PIK3CD: variants seen among roughly 807,000 people sequenced by gnomAD.
PIK3CD encodes phosphatidylinositol 4,5-bisphosphate 3-kinase catalytic subunit delta isoform.
In PIK3CD, 20 loss-of-function variants were observed where a neutral mutation model predicts 122.9. The observed-to-expected ratio is 0.16, with a 90% confidence interval of 0.11 to 0.24. The LOEUF (loss-of-function observed/expected upper bound fraction) is 0.24. Among genes scored for constraint, PIK3CD ranks in the 10% least tolerant of loss-of-function variants. The pLI is 1.00. For synonymous variants in PIK3CD, 596 were observed against 593.4 expected, an observed-to-expected ratio of 1.00 and a Z score of -0.06; for missense variants, 787 against 1,406.3, an observed-to-expected ratio of 0.56 and a Z score of 7.04.
In PIK3CD at chr1:9,723,609, G is replaced by A. The variant is rs1156538691; in HGVS notation, c.2594+317G>A. ...CTGCTGGTTCCACATAATCACTCATGCAGCTGTTCTCATCTGGTGCCTTAA... is the reference window on the plus strand; with the variant it reads ...CTGCTGGTTCCACATAATCACTCATACAGCTGTTCTCATCTGGTGCCTTAA... On this transcript the variant is annotated intron_variant, in intron 20 of 23. Coordinates refer to ENST00000377346, the MANE Select transcript of PIK3CD (RefSeq NM_005026.5). This position sits in a 1 kb window ranked among gnomAD's most constrained non-coding sequence, Gnocchi z 4.9. Among the ~76,000 whole-genome samples, 2 of 152,216 alleles carry A rather than the reference G, an allele frequency of 1.3e-5. No homozygotes were observed. The highest frequency in any genetic ancestry group is 4.8e-5 in the African/African-American group (2 of 41,452).
chr1:9,692,133 G>C (rs1423559939), intron 2 of PIK3CD, among the ~76,000 whole-genome samples: 2 of 152,128 alleles, frequency 1.3e-5, no homozygotes, highest in Non-Finnish European at 2.9e-5. Flanking sequence ...GCCAGAGACC[G>C]ACACTGGCTG....
At chr1:9,656,794 T>C (rs1644868558) in intron 1 of PIK3CD, among the ~76,000 whole-genome samples, 1 of 151,852 alleles carries the variant, frequency 6.6e-6, no homozygotes, top group Non-Finnish European at 1.5e-5. Context: ...AATTCAAAAA[T>C]TAGCCAGGCG....
chr1:9,633,413 T>C, the PIK3CD span, among the ~76,000 whole-genome samples: 2 of 152,174 alleles, frequency 1.3e-5, no homozygotes, highest in Non-Finnish European at 2.9e-5. Context: ...GTTCAAGTGA[T>C]TCTCCTGCCT....
intron 1 of PIK3CD, among the ~76,000 whole-genome samples, chr1:9,675,782 T>C (rs1383234312): frequency 6.6e-6 from 1 of 151,786 alleles, no homozygotes; most frequent in Non-Finnish European, 1.5e-5. Flanking sequence ...TTCCTTTTTT[T>C]AGAAACAGGG....
chr1:9,633,720 A>G, the PIK3CD span, among the ~76,000 whole-genome samples: 1 of 152,186 alleles, frequency 6.6e-6, no homozygotes, highest in Non-Finnish European at 1.5e-5. Context: ...TTCTTCTTTC[A>G]GCCTAAGAGT....
intron 3 of PIK3CD, among the ~76,000 whole-genome samples, chr1:9,712,936 CT>C (rs1230783180): frequency 6.6e-6 from 1 of 152,120 alleles, no homozygotes; most frequent in Non-Finnish European, 1.5e-5. Flanking sequence ...CTTATCAGCA[CT>C]TTGGGAGGCG....
At chr1:9,649,123 A>AC (rs1553155828), upstream of PIK3CD, among the ~76,000 whole-genome samples, 10 of 150,962 alleles carry the variant, frequency 6.6e-5, no homozygotes, top group East Asian at 7.8e-4. Context: ...AAACAAACAA[A>AC]AAAAGCAAAA....
intron 2 of PIK3CD, among the ~76,000 whole-genome samples, chr1:9,707,322 C>CT (rs112682484): frequency 2.1e-3 from 246 of 117,024 alleles, no homozygotes; most frequent in African/African-American, 3.8e-3. Context: ...ATTGTGGTTT[C>CT]TTTTTTTTTT....
Position 9,724,710 on chromosome 1 carries a change from G to A in PIK3CD, c.2865-94G>A. On this transcript the variant is annotated intron_variant, in intron 22 of 23. Coordinates refer to ENST00000377346, the MANE Select transcript of PIK3CD (RefSeq NM_005026.5). This position sits in a 1 kb window ranked among gnomAD's most constrained non-coding sequence, Gnocchi z 7.3. ...ACCCATTATCAGGGCAAGGGCAGGT[G>A]TCCTTGGGGAAGGGGCTGGTTGGAT... The A allele has an allele frequency of 6.6e-7, 1 of 1,517,688 alleles. No homozygotes were observed. 94.0% of individuals were successfully genotyped at this position (1,517,688 alleles called of 1,614,324 possible).
chr1:9,643,752 C>T, the PIK3CD span, among the ~76,000 whole-genome samples: 1 of 152,300 alleles, frequency 6.6e-6, no homozygotes, highest in East Asian at 1.9e-4. Flanking sequence ...GAAGCAGAGG[C>T]ATAGAGAGGT....
Position 9,723,401 on chromosome 1 carries a change from GTGGCTACT to G in PIK3CD, c.2594+115_2594+122del. On this transcript the variant is annotated intron_variant, in intron 20 of 23. Coordinates refer to ENST00000377346, the MANE Select transcript of PIK3CD (RefSeq NM_005026.5). The surrounding 1 kb of genome is among the most constrained non-coding windows in gnomAD (Gnocchi z 4.9). ...CGGGGAGGGGCCTCAGACCATCTTT[GTGGCTACT>G]TGGCTCAGTTGAGGACCAGCCTGTG... 8.4e-7 allele frequency: 1 copy of G among 1,186,762 alleles called. No homozygotes were observed. Among genetic ancestry groups the G allele is most frequent in the South Asian group, 1.2e-5 (1 of 80,696 alleles). The allele number at this position is 1,186,762 out of a possible 1,614,324, so 73.5% of individuals were successfully genotyped here. A position where few individuals can be genotyped will look rare whatever the true frequency, so the allele number is the denominator to read the frequency against.
In PIK3CD at chr1:9,652,289, C is replaced by T. The variant is rs1390975080; in HGVS notation, c.-138+487C>T. On this transcript the variant is annotated intron_variant, in intron 1 of 23. Transcript: ENST00000377346. This position sits in a 1 kb window ranked among gnomAD's most constrained non-coding sequence, Gnocchi z 6.2. ...CAGAGAGCGCGCTGGTGATGTCGCC[C>T]GAGTGCCCTGGCGCGGAGAGAGGGC... is the stretch of plus-strand genomic sequence containing the variant. 4.5e-4 allele frequency among the ~76,000 whole-genome samples: 69 copies of T among 152,152 alleles called. 1 individual carries two copies. Among genetic ancestry groups the T allele is most frequent in the Admixed American group, 4.5e-3 (69 of 15,276 alleles).
chr1:9,636,618 G>T, the PIK3CD span, among the ~76,000 whole-genome samples: 1 of 152,166 alleles, frequency 6.6e-6, no homozygotes, highest in Admixed American at 6.5e-5. Context: ...TTCTCTGGAC[G>T]GTTCCAGCCA....
chr1:9,716,339 C>T (rs1478436271), intron 5 of PIK3CD, 101 bp from the exon 6 acceptor site: 1 of 1,159,204 alleles, frequency 8.6e-7, no homozygotes, highest in Non-Finnish European at 1.3e-6. Flanking sequence ...TTTGTGAACT[C>T]CCCAGACCCT....
At chr1:9,706,993 T>C (rs997428791) in intron 2 of PIK3CD, among the ~76,000 whole-genome samples, 1 of 151,312 alleles carries the variant, frequency 6.6e-6, no homozygotes, top group African/African-American at 2.4e-5. Flanking sequence ...TTTTTTTTTT[T>C]GTAGAGATGG....
the PIK3CD span, among the ~76,000 whole-genome samples, chr1:9,632,861 CTT>C: frequency 0.57 from 72,716 of 128,060 alleles, 21,243 homozygotes; most frequent in Non-Finnish European, 0.7. Context: ...CAACCTGATT[CTT>C]TTTTTTTTTT....
chr1:9,706,754 A>C (rs1360578590), intron 2 of PIK3CD, among the ~76,000 whole-genome samples: 6 of 152,014 alleles, frequency 3.9e-5, no homozygotes, highest in Non-Finnish European at 7.4e-5. Flanking sequence ...ATACATAATG[A>C]AACTTCATTT....
chr1:9,655,219 C>G (rs532525859), intron 1 of PIK3CD, among the ~76,000 whole-genome samples: 1 of 152,226 alleles, frequency 6.6e-6, no homozygotes, highest in African/African-American at 2.4e-5. Flanking sequence ...GCCCTATCCA[C>G]TGGAGGATGG....
intron 2 of PIK3CD, among the ~76,000 whole-genome samples, chr1:9,699,533 G>A (rs1646546124): frequency 6.6e-6 from 1 of 151,860 alleles, no homozygotes; most frequent in African/African-American, 2.4e-5. Flanking sequence ...GTCTCTCCCA[G>A]TCACCCTCTC....
Sources: gnomAD v4.1 joint callset for allele counts (sites outside exome capture counted in the v4.1 genomes callset) on GRCh38, gnomAD v4.1.1 for gene constraint, Gnocchi (gnomAD v3.1) non-coding constraint, MANE v1.5 for transcripts, NCBI Gene and HGNC (gene_info 2026-07-23, HGNC 2026-07-21) for gene names.